CPED1: variants seen among roughly 807,000 people sequenced by gnomAD.
CPED1 encodes the protein cadherin-like and PC-esterase domain-containing protein 1.
CPED1 carries 114 observed loss-of-function variants against 128.2 expected under a neutral mutation model. The observed-to-expected ratio is 0.89, with a 90% CI of 0.76 to 1.04. The LOEUF is 1.04. CPED1 is among the 50% of genes least tolerant of loss of function. CPED1 has a pLI of 0.00. For synonymous variants in CPED1, 462 were observed against 426.7 expected (o/e 1.08, Z -1.02); for missense variants, 1,211 against 1,207.1 (o/e 1.00, Z -0.05).
At chr7:121,084,985 G>A (rs1174320592) in intron 5 of CPED1, among the ~76,000 whole-genome samples, 5 of 152,130 alleles carry the variant, frequency 3.3e-5, no homozygotes, top group African/African-American at 1.2e-4. Flanking sequence ...ATTGCTCATC[G>A]TAGTGACGGC....
chr7:121,212,417 T>A (rs1019621549), intron 16 of CPED1, among the ~76,000 whole-genome samples: 1 of 151,996 alleles, frequency 6.6e-6, no homozygotes, highest in Non-Finnish European at 1.5e-5. Flanking sequence ...TAGGCCCCAC[T>A]TCCCCTGTCT....
At chr7:121,249,054 A>C (rs1218735847) in intron 18 of CPED1, among the ~76,000 whole-genome samples, 1 of 152,180 alleles carries the variant, frequency 6.6e-6, no homozygotes, top group Non-Finnish European at 1.5e-5. Flanking sequence ...TTAGCAGCAG[A>C]ATAGACCAGG....
At chr7:121,290,253 T>G (rs1792668277) in intron 22 of CPED1, among the ~76,000 whole-genome samples, 1 of 152,230 alleles carries the variant, frequency 6.6e-6, no homozygotes, top group African/African-American at 2.4e-5. Context: ...TTGTGAATAG[T>G]GGTGCAATAA....
At chr7:121,258,713 A>G (rs1222385166) in intron 18 of CPED1, among the ~76,000 whole-genome samples, 1 of 151,996 alleles carries the variant, frequency 6.6e-6, no homozygotes, top group East Asian at 1.9e-4. Context: ...CAGTTCACAT[A>G]TCTTGGATTA....
chr7:121,175,187 C>T (rs1370233394), intron 16 of CPED1, among the ~76,000 whole-genome samples: 7 of 152,112 alleles, frequency 4.6e-5, no homozygotes. Flanking sequence ...TTGACTTCCT[C>T]TGTTCCTATT....
intron 7 of CPED1, among the ~76,000 whole-genome samples, chr7:121,117,094 T>TATATAA (rs1158143676): frequency 1.4e-5 from 2 of 142,594 alleles, no homozygotes; most frequent in East Asian, 2.0e-4. Flanking sequence ...TATATATATA[T>TATATAA]ATATAAATAT....
intron 3 of CPED1, among the ~76,000 whole-genome samples, chr7:121,021,099 C>G (rs1336551936): frequency 2.0e-5 from 3 of 151,786 alleles, no homozygotes; most frequent in Non-Finnish European, 4.4e-5. Context: ...ACAGTGTGTT[C>G]TGGAGAGTAG....
chr7:121,131,980 G>A (rs1795682106), intron 12 of CPED1, among the ~76,000 whole-genome samples: 1 of 149,020 alleles, frequency 6.7e-6, no homozygotes. Context: ...TTTTTTAATG[G>A]GAAAAGCACG....
intron 7 of CPED1, among the ~76,000 whole-genome samples, chr7:121,113,454 T>A (rs1795161741): frequency 6.6e-6 from 1 of 152,332 alleles, no homozygotes; most frequent in African/African-American, 2.4e-5. Context: ...ATGGATGGTA[T>A]TTTAGCTGGG....
intron 2 of CPED1, among the ~76,000 whole-genome samples, chr7:121,000,041 A>G (rs1165559649): frequency 6.6e-6 from 1 of 152,290 alleles, no homozygotes; most frequent in East Asian, 1.9e-4. Flanking sequence ...AAATTCATAT[A>G]AGATAAACCC....
At chr7:121,090,208 G>T (rs996534602) in intron 5 of CPED1, among the ~76,000 whole-genome samples, 1 of 152,196 alleles carries the variant, frequency 6.6e-6, no homozygotes, top group African/African-American at 2.4e-5. Flanking sequence ...TGATTGAGTG[G>T]TTAGTTGGTG....
At chr7:121,034,321 C>T (rs933713844) in intron 3 of CPED1, among the ~76,000 whole-genome samples, 9 of 141,918 alleles carry the variant, frequency 6.3e-5, no homozygotes, top group Middle Eastern at 4.4e-3. Flanking sequence ...GATCTTGGCT[C>T]ACTGCAACCT....
chr7:121,086,499 C>A (rs1794428689), intron 5 of CPED1, among the ~76,000 whole-genome samples: 1 of 152,058 alleles, frequency 6.6e-6, no homozygotes, highest in Non-Finnish European at 1.5e-5. Context: ...AGTATACAAA[C>A]TGGAAAGAAA....
chr7:121,206,255 A>G (rs1797513573), intron 16 of CPED1, among the ~76,000 whole-genome samples: 1 of 152,022 alleles, frequency 6.6e-6, no homozygotes, highest in Non-Finnish European at 1.5e-5. Flanking sequence ...TAATTAAGAA[A>G]CTTTGACCTC....
At chr7:121,285,522 G>A (rs1408177600) in intron 22 of CPED1, among the ~76,000 whole-genome samples, 1 of 152,048 alleles carries the variant, frequency 6.6e-6, no homozygotes, top group African/African-American at 2.4e-5. Flanking sequence ...ACACTTGCTG[G>A]TTAGAAATTT....
intron 3 of CPED1, among the ~76,000 whole-genome samples, chr7:121,025,226 A>G (rs1283721351): frequency 6.6e-6 from 1 of 152,094 alleles, no homozygotes; most frequent in Non-Finnish European, 1.5e-5. Context: ...CATTTGGGTA[A>G]TAAAGCCTTA....
intron 4 of CPED1, among the ~76,000 whole-genome samples, chr7:121,060,323 C>T (rs1023530497): frequency 6.6e-6 from 1 of 152,240 alleles, no homozygotes; most frequent in Non-Finnish European, 1.5e-5. Flanking sequence ...GGAGTGCGGG[C>T]GCACGGCGCG....
intron 5 of CPED1, among the ~76,000 whole-genome samples, chr7:121,092,664 T>G (rs545738310): frequency 9.7e-4 from 148 of 152,228 alleles, no homozygotes; most frequent in African/African-American, 3.4e-3. Context: ...GGTGAAAGGG[T>G]GGTTGATGCT....
intron 16 of CPED1, among the ~76,000 whole-genome samples, chr7:121,159,502 A>G (rs919808084): frequency 2.0e-5 from 3 of 152,198 alleles, no homozygotes; most frequent in Non-Finnish European, 4.4e-5. Flanking sequence ...GATAAGAAAG[A>G]ATTTGAAGTT....
Sources: gnomAD v4.1 joint callset for allele counts (sites outside exome capture counted in the v4.1 genomes callset) on GRCh38, gnomAD v4.1.1 for gene constraint, MANE v1.5 for transcripts, NCBI Gene and HGNC (gene_info 2026-07-23, HGNC 2026-07-21) for gene names.